The following NTNG1 variants were observed in gnomAD, a reference collection of about 807,000 sequenced individuals.
NTNG1 encodes netrin G1.
A neutral mutation model predicts 54.0 loss-of-function variants in NTNG1; 16 were observed. The observed-to-expected ratio is 0.30, with a 90% CI of 0.20 to 0.45. The LOEUF is 0.45. NTNG1 is among the 20% of genes least tolerant of loss of function. NTNG1 has a pLI of 1.00. For missense variants in NTNG1, 530 were observed against 678.7 expected (o/e 0.78, Z 2.43); for synonymous variants, 255 against 263.1 (o/e 0.97, Z 0.30).
chr1:107,147,244 C>T (rs1465243708), intron 1 of NTNG1, among the ~76,000 whole-genome samples: 2 of 152,010 alleles, frequency 1.3e-5, no homozygotes, highest in Non-Finnish European at 1.5e-5. Context: ...GCTTCATGGC[C>T]TGTTAACTCA....
intron 7 of NTNG1, among the ~76,000 whole-genome samples, chr1:107,471,977 G>A (rs190491518): frequency 6.6e-6 from 1 of 152,216 alleles, no homozygotes; most frequent in Non-Finnish European, 1.5e-5. Flanking sequence ...TTCATCTTGA[G>A]GCTACCAACA....
At chr1:107,298,659 G>A (rs1473069303) in intron 2 of NTNG1, among the ~76,000 whole-genome samples, 1 of 152,132 alleles carries the variant, frequency 6.6e-6, no homozygotes, top group African/African-American at 2.4e-5. Context: ...CTGAAGTCAG[G>A]ATGCAATCAA....
intron 2 of NTNG1, among the ~76,000 whole-genome samples, chr1:107,320,580 C>T (rs1667596869): frequency 6.6e-6 from 1 of 151,538 alleles, no homozygotes; most frequent in African/African-American, 2.4e-5. Context: ...GAAATATTTA[C>T]ACTAAATATT....
chr1:107,469,703 C>T (rs1571031600), intron 7 of NTNG1, among the ~76,000 whole-genome samples: 2 of 152,234 alleles, frequency 1.3e-5, no homozygotes, highest in Admixed American at 6.5e-5. Flanking sequence ...ACCCTCCTGC[C>T]TCGGCCTCTC....
At chr1:107,340,499 A>T (rs1314826673) in intron 3 of NTNG1, among the ~76,000 whole-genome samples, 2 of 152,056 alleles carry the variant, frequency 1.3e-5, no homozygotes, top group Admixed American at 6.6e-5. Context: ...TTTGTTTAGC[A>T]CTGATGAGTT....
chr1:107,413,050 G>A (rs1673938915), intron 5 of NTNG1, among the ~76,000 whole-genome samples: 1 of 152,110 alleles, frequency 6.6e-6, no homozygotes, highest in South Asian at 2.1e-4. Flanking sequence ...TGCGAAGATG[G>A]TAAGATTACC....
chr1:107,160,620 C>T (rs1243084755), intron 2 of NTNG1, among the ~76,000 whole-genome samples: 3 of 151,996 alleles, frequency 2.0e-5, no homozygotes, highest in Admixed American at 6.6e-5. Context: ...CATTTTTTCT[C>T]GTAACTTTGT....
chr1:107,454,484 C>T (rs628117), intron 7 of NTNG1, among the ~76,000 whole-genome samples: 85,054 of 151,772 alleles, frequency 0.56, 24,075 homozygotes, highest in East Asian at 0.69. Context: ...ACGGAAACAA[C>T]GGGCTTTCAT....
At position 107,324,626 on chromosome 1, in the gene NTNG1, A is replaced by T; in HGVS notation, c.591A>T (p.Ser197=). Reference sequence around the variant, plus strand: ...ATCCTAAATCCGTGAAGGATTTATCACAGCATACGGTCTTAGAAATCATTT... The same window carrying T: ...ATCCTAAATCCGTGAAGGATTTATCTCAGCATACGGTCTTAGAAATCATTT... The part of the protein sequence containing the change: ...HMDPKSVKDL[S]QHTVLEIICT... Residue 197 remains serine (S), a synonymous_variant, in exon 3 of 8, where the codon TCA becomes TCT. Coordinates refer to ENST00000370068, the MANE Select transcript of NTNG1 (RefSeq NM_001113226.3). 1 of 1,613,740 alleles carries T rather than the reference A, an allele frequency of 6.2e-7. No individual in the cohort carries two copies. The highest frequency in any genetic ancestry group is 2.2e-5 in the East Asian group (1 of 44,810).
At chr1:107,314,476 G>C (rs1667220419) in intron 2 of NTNG1, among the ~76,000 whole-genome samples, 3 of 152,096 alleles carry the variant, frequency 2.0e-5, no homozygotes, top group Admixed American at 6.6e-5. Context: ...TTAACAGCTG[G>C]TTTGTCAGGT....
At chr1:107,150,015 G>A (rs1181081901) in intron 2 of NTNG1, among the ~76,000 whole-genome samples, 2 of 152,130 alleles carry the variant, frequency 1.3e-5, no homozygotes, top group East Asian at 3.9e-4. Context: ...TTTGTAACAG[G>A]AAACAATTTT....
At chr1:107,207,272 A>T (rs2101345206) in intron 2 of NTNG1, among the ~76,000 whole-genome samples, 1 of 152,234 alleles carries the variant, frequency 6.6e-6, no homozygotes, top group East Asian at 1.9e-4. Flanking sequence ...ACACCTAGAG[A>T]TTTCATTTTG....
intron 4 of NTNG1, among the ~76,000 whole-genome samples, chr1:107,405,479 C>T (rs977558362): frequency 6.6e-6 from 1 of 152,068 alleles, no homozygotes; most frequent in African/African-American, 2.4e-5. Flanking sequence ...CTAATAGCCT[C>T]GCTTGGTGAG....
At chr1:107,338,528 C>T (rs1668719559) in intron 3 of NTNG1, among the ~76,000 whole-genome samples, 1 of 151,892 alleles carries the variant, frequency 6.6e-6, no homozygotes, top group East Asian at 1.9e-4. Context: ...TCTACATGAA[C>T]TTGGGATGGA....
At chr1:107,306,871 G>A (rs1251433773) in intron 2 of NTNG1, among the ~76,000 whole-genome samples, 1 of 152,146 alleles carries the variant, frequency 6.6e-6, no homozygotes, top group African/African-American at 2.4e-5. Flanking sequence ...ATCTATCTGG[G>A]AGTGAGACAT....
intron 2 of NTNG1, among the ~76,000 whole-genome samples, chr1:107,222,194 A>G (rs2101472222): frequency 6.7e-6 from 1 of 148,444 alleles, no homozygotes; most frequent in Non-Finnish European, 1.5e-5. Context: ...TCTTCTGGGG[A>G]CTCCCATAGC....
chr1:107,155,987 G>T (rs190100605), intron 2 of NTNG1, among the ~76,000 whole-genome samples: 1 of 152,142 alleles, frequency 6.6e-6, no homozygotes, highest in South Asian at 2.1e-4. Context: ...AGGAGCAATA[G>T]ACTATACCAT....
At chr1:107,173,038 C>T (rs1368998793) in intron 2 of NTNG1, among the ~76,000 whole-genome samples, 3 of 152,044 alleles carry the variant, frequency 2.0e-5, no homozygotes, top group African/African-American at 7.2e-5. Flanking sequence ...TTCAGGAGAG[C>T]TCAGTAATGA....
At chr1:107,336,474 C>G (rs549622338) in intron 3 of NTNG1, among the ~76,000 whole-genome samples, 1 of 151,780 alleles carries the variant, frequency 6.6e-6, no homozygotes, top group South Asian at 2.1e-4. Context: ...AAAACTAATT[C>G]AAAATGCATT....
Sources: allele counts gnomAD v4.1 joint callset (sites outside exome capture counted in the v4.1 genomes callset), GRCh38; gene constraint gnomAD v4.1.1; transcripts MANE v1.5; gene names NCBI Gene and HGNC (gene_info 2026-07-23, HGNC 2026-07-21).